The following PNPLA1 variants were observed in gnomAD, a reference collection of about 807,000 sequenced individuals.
The protein encoded by PNPLA1 is patatin like domain 1, omega-hydroxyceramide transacylase.
Under a neutral mutation model 51.7 loss-of-function variants are expected in PNPLA1, and 36 were observed. The observed-to-expected ratio is 0.70, with a 90% confidence interval of 0.53 to 0.92. The LOEUF is 0.92. Ranked by LOEUF, PNPLA1 falls within the 40% of genes least tolerant of loss-of-function variation. The pLI, the probability that PNPLA1 is intolerant of heterozygous loss-of-function variation, is 0.00. For missense variants in PNPLA1, 658 were observed against 682.5 expected, an observed-to-expected ratio of 0.96 and a Z score of 0.40; for synonymous variants, 293 against 280.1, an observed-to-expected ratio of 1.05 and a Z score of -0.46.
At chr6:36,295,252 A>C in intron 4 of PNPLA1, 112 bp from the exon 5 acceptor site, 1 of 1,095,406 alleles carries the variant, frequency 9.1e-7, no homozygotes, top group Non-Finnish European at 1.4e-6. Context: ...CGTTTTGAAA[A>C]GCCCATCAAA....
chr6:36,306,398 C>T, intron 7 of PNPLA1, 22 bp downstream of exon 7: 1 of 1,591,128 alleles, frequency 6.3e-7, no homozygotes, highest in Non-Finnish European at 8.6e-7. Flanking sequence ...CTTCGTGGAG[C>T]ACGCTCTTTC....
At chr6:36,282,088 A>AGAAGGAAGGAAGGAAGGAAGGAAG (rs70975141) in intron 1 of PNPLA1, among the ~76,000 whole-genome samples, 1 of 98,850 alleles carries the variant, frequency 1.0e-5, no homozygotes, top group Non-Finnish European at 2.0e-5. Context: ...AAAGAAAGAA[A>AGAAGGAAGGAAGGAAGGAAGGAAG]GAAGGAAGGA....
rs371245766 is a variant in PNPLA1, at chr6:36,294,162, G to C, written c.505-28G>C. 30 of 1,612,440 alleles carry C rather than the reference G, an allele frequency of 1.9e-5. No individual in the cohort carries two copies. Among genetic ancestry groups the C allele is most frequent in the Non-Finnish European group, 2.4e-5 (28 of 1,178,924 alleles). ...GTGGGGCTGAGAACTCTGGCCCCAA[G>C]TGGGCATTTCTCACTCTGCCCCCAC... On this transcript the variant is annotated intron_variant, in intron 3 of 8. Transcript: ENST00000636260. The surrounding 1 kb of genome is among the most constrained non-coding windows in gnomAD (Gnocchi z 4.2).
intron 1 of PNPLA1, among the ~76,000 whole-genome samples, chr6:36,287,033 T>A (rs973703093): frequency 6.6e-6 from 1 of 152,178 alleles, no homozygotes; most frequent in African/African-American, 2.4e-5. Context: ...ATTAGACTCA[T>A]AAAACCTGGT....
In PNPLA1 at chr6:36,300,178, T is replaced by TGAGAGAGAGA. The variant is rs71548136; in HGVS notation, c.776-1654_776-1645dup. ...TCTTATTCTTGTGTGTGTGTGTGTG[T>TGAGAGAGAGA]GAGAGAGAGAGAGAGAGAGAGAGAG... On this transcript the variant is annotated intron_variant, in intron 5 of 8. Transcript: ENST00000636260. 4.6e-3 allele frequency among the ~76,000 whole-genome samples: 447 copies of TGAGAGAGAGA among 98,130 alleles called. 3 individuals are homozygous for TGAGAGAGAGA. The highest frequency in any genetic ancestry group is 0.014 in the African/African-American group (419 of 30,116). The allele number at this position is 98,130 out of a possible 152,430, so 64.4% of individuals were successfully genotyped here.
chr6:36,265,365 C>T (rs1484215065), upstream of PNPLA1, among the ~76,000 whole-genome samples: 1 of 152,072 alleles, frequency 6.6e-6, no homozygotes, highest in Non-Finnish European at 1.5e-5. Flanking sequence ...TTATCAGACC[C>T]CCACTGTATT....
Position 36,302,180 on chromosome 6 carries a change from T to C in PNPLA1, c.1095T>C (p.Ser365=). 1.2e-6 allele frequency: 2 copies of C among 1,614,178 alleles called. No individual in the cohort carries two copies. The highest frequency in any genetic ancestry group is 1.7e-6 in the Non-Finnish European group (2 of 1,180,038). The change falls in exon 6 of 9, where the codon TCT becomes TCC. Residue 365 remains serine, a synonymous_variant. Transcript: ENST00000636260. ...AQPLASSTPL[S]LSGMPPVSFP... ...CACTGGCCTCTTCAACTCCACTTTC[T>C]CTAAGTGGCATGCCACCTGTATCAT...
chr6:36,300,378 T>C (rs1771003755), intron 5 of PNPLA1, among the ~76,000 whole-genome samples: 1 of 151,996 alleles, frequency 6.6e-6, no homozygotes, highest in Admixed American at 6.6e-5. Flanking sequence ...GTATTTTTAG[T>C]AGAGATGGGG....
chr6:36,284,426 G>C (rs1770413934), intron 1 of PNPLA1, among the ~76,000 whole-genome samples: 1 of 152,192 alleles, frequency 6.6e-6, no homozygotes, highest in Non-Finnish European at 1.5e-5. Context: ...GGGCAGAGCA[G>C]CAAAATGTGA....
intron 1 of PNPLA1, among the ~76,000 whole-genome samples, chr6:36,263,662 T>C (rs1582038220): frequency 6.6e-6 from 1 of 152,184 alleles, no homozygotes; most frequent in African/African-American, 2.4e-5. Context: ...CTTTCTTATT[T>C]TGTGAATTTT....
At chr6:36,253,556 G>T (rs1236869231) in intron 1 of PNPLA1, among the ~76,000 whole-genome samples, 2 of 152,076 alleles carry the variant, frequency 1.3e-5, no homozygotes. Context: ...GCTTACTGTA[G>T]CCTCAAACTG....
At chr6:36,266,889 A>G (rs1019065590), upstream of PNPLA1, among the ~76,000 whole-genome samples, 1 of 152,344 alleles carries the variant, frequency 6.6e-6, no homozygotes, top group Admixed American at 6.5e-5. Flanking sequence ...CAGGTTCTTC[A>G]CTAAATTAAC....
chr6:36,278,593 G>A (rs773963826), intron 1 of PNPLA1, among the ~76,000 whole-genome samples: 12 of 152,290 alleles, frequency 7.9e-5, no homozygotes, highest in Non-Finnish European at 1.5e-4. Context: ...GGACAGACAC[G>A]TCTGAAGCCC....
In PNPLA1 at chr6:36,295,380, A is replaced by G. The variant is rs1309397025; in HGVS notation, c.731A>G (p.Tyr244Cys). Residue 244 changes from tyrosine to cysteine, a missense_variant, in exon 5 of 9, where the codon TAC becomes TGC. Physicochemically the swap from Tyr to Cys is radical, Grantham distance 194. Transcript: ENST00000636260. Reference protein sequence around the residue: ...PPDLVILHDYYYRGYEDAVLY... With the variant: ...PPDLVILHDYCYRGYEDAVLY... ...CGCCCACAGATCCTGCACGATTACT[A>G]CTACCGAGGGTACGAGGATGCAGTT... 1.2e-6 allele frequency: 2 copies of G among 1,614,168 alleles called. No individual in the cohort carries two copies. The highest frequency in any genetic ancestry group is 4.5e-5 in the East Asian group (2 of 44,892).
upstream of PNPLA1, among the ~76,000 whole-genome samples, chr6:36,269,647 A>G (rs1402547234): frequency 1.3e-5 from 2 of 152,188 alleles, no homozygotes. Context: ...GGCACTGACC[A>G]AGGTCACAGG....
Position 36,294,272 on chromosome 6 carries a change from A to T in PNPLA1, c.587A>T (p.Gln196Leu). Residue 196 changes from glutamine (Q) to leucine (L), a missense_variant, in exon 4 of 9, where the codon CAG becomes CTG. By Grantham distance (113) the Gln-to-Leu change is moderately radical. Transcript: ENST00000636260. The surrounding 1 kb of genome is among the most constrained non-coding windows in gnomAD (Gnocchi z 4.2). ...ATCACCATCTCCACCTTCAGTGGGC[A>T]GCAGGACATCTGTCCCCGGGACTGC... is the stretch of plus-strand genomic sequence containing the variant. The part of the protein sequence containing the change: ...DAITISTFSG[Q>L]QDICPRDCPA... 1 of 1,614,222 alleles carries T rather than the reference A, an allele frequency of 6.2e-7. No homozygotes were observed. Among genetic ancestry groups the T allele is most frequent in the Non-Finnish European group, 8.5e-7 (1 of 1,180,028 alleles).
intron 1 of PNPLA1, among the ~76,000 whole-genome samples, chr6:36,243,557 T>C (rs573437606): frequency 1.3e-5 from 2 of 152,238 alleles, no homozygotes; most frequent in East Asian, 3.9e-4. Context: ...CGCACTTGTG[T>C]TTGAGAATTG....
intron 1 of PNPLA1, among the ~76,000 whole-genome samples, chr6:36,278,615 G>T (rs1007030554): frequency 7.2e-5 from 11 of 152,188 alleles, no homozygotes; most frequent in Non-Finnish European, 1.2e-4. Context: ...GGCTGCACTA[G>T]TACAGCCCCG....
intron 1 of PNPLA1, among the ~76,000 whole-genome samples, chr6:36,283,744 C>T (rs1220991621): frequency 6.6e-6 from 1 of 152,240 alleles, no homozygotes; most frequent in Non-Finnish European, 1.5e-5. Context: ...TGACAGAGCA[C>T]ACTGCCTGTG....
Sources: allele counts gnomAD v4.1 joint callset (sites outside exome capture counted in the v4.1 genomes callset), GRCh38; gene constraint gnomAD v4.1.1; non-coding constraint Gnocchi (gnomAD v3.1); transcripts MANE v1.5; gene names NCBI Gene and HGNC (gene_info 2026-07-23, HGNC 2026-07-21).